The following ZNF529 variants were observed in gnomAD, a reference collection of about 807,000 sequenced individuals.
The protein encoded by ZNF529 is zinc finger protein 529.
A neutral mutation model predicts 10.1 loss-of-function variants in ZNF529; 11 were observed. That is an observed-to-expected ratio of 1.09 (90% CI 0.69 to 1.81). The LOEUF is 1.81. ZNF529 is among the 40% of genes most tolerant of loss of function. The pLI, the probability that ZNF529 is intolerant of heterozygous loss-of-function variation, is 0.00. For missense variants in ZNF529, 624 were observed against 666.8 expected (o/e 0.94, Z 0.71); for synonymous variants, 204 against 215.7 (o/e 0.95, Z 0.47).
intron 1 of ZNF529, among the ~76,000 whole-genome samples, chr19:36,593,396 A>G (rs555023660): frequency 6.6e-6 from 1 of 152,266 alleles, no homozygotes; most frequent in Non-Finnish European, 1.5e-5. Context: ...CTTGAACTCC[A>G]GGGCTCAAGC....
chr19:36,590,637 G>C (rs1251375746), intron 1 of ZNF529, among the ~76,000 whole-genome samples: 4 of 152,076 alleles, frequency 2.6e-5, no homozygotes, highest in African/African-American at 9.7e-5. Flanking sequence ...CAACAAAATT[G>C]ATAAAACCTT....
intron 1 of ZNF529, among the ~76,000 whole-genome samples, chr19:36,597,928 A>G (rs2036865220): frequency 6.6e-6 from 1 of 152,188 alleles, no homozygotes; most frequent in South Asian, 2.1e-4. Context: ...AATTATCCAG[A>G]TCCTACATTA....
At chr19:36,572,718 T>TTATCTATCTTATCTATC (rs768191244) in intron 1 of ZNF529, among the ~76,000 whole-genome samples, 18 of 151,036 alleles carry the variant, frequency 1.2e-4, no homozygotes, top group Non-Finnish European at 5.9e-5. Context: ...TTTATCTATC[T>TTATCTATCTTATCTATC]TATCTATCTA....
intron 1 of ZNF529, 84 bp from the exon 2 acceptor site, chr19:36,572,476 T>A (rs1234897455): frequency 9.2e-7 from 1 of 1,088,024 alleles, no homozygotes; most frequent in Non-Finnish European, 1.3e-6. Context: ...GAAAAGCCCA[T>A]CACACACAAC....
chr19:36,578,614 T>A (rs1307545748), intron 2 of ZNF529, among the ~76,000 whole-genome samples: 11 of 140,908 alleles, frequency 7.8e-5, no homozygotes, highest in Non-Finnish European at 1.4e-4. Context: ...TGGGGGAGAA[T>A]TTTTTTTTTT....
In ZNF529 at chr19:36,548,019, A is replaced by G; in HGVS notation, c.539T>C (p.Phe180Ser). The change falls in exon 5 of 5, where the codon TTC becomes TCC. Residue 180 changes from phenylalanine (F) to serine (S), a missense_variant. Phe to Ser is a radical substitution (Grantham distance 155). Transcript: ENST00000591340. ...TTCATCAAACTCTAAGTCACAACTG[A>G]AGACCTTCTCATATTCCTTGTATTC... ...PYEYKEYEKV[F>S]SCDLEFDEYQ... 1 of 1,613,876 alleles carries G rather than the reference A, an allele frequency of 6.2e-7. No individual in the cohort carries two copies. Among genetic ancestry groups the G allele is most frequent in the Non-Finnish European group, 8.5e-7 (1 of 1,179,850 alleles).
intron 4 of ZNF529, among the ~76,000 whole-genome samples, chr19:36,552,212 C>T (rs373371708): frequency 3.3e-5 from 5 of 152,086 alleles, no homozygotes; most frequent in Admixed American, 1.3e-4. Flanking sequence ...GGGCAGATCA[C>T]GAGGTCAGGA....
At chr19:36,548,838 C>T (rs768009126) in intron 4 of ZNF529, among the ~76,000 whole-genome samples, 4 of 152,058 alleles carry the variant, frequency 2.6e-5, no homozygotes, top group African/African-American at 4.8e-5. Flanking sequence ...GAAACCCTGC[C>T]TCTACTAAAA....
In ZNF529 at chr19:36,546,935, A is replaced by G. The variant is rs866070720; in HGVS notation, c.1623T>C (p.Asn541=). 6.2e-7 allele frequency: 1 copy of G among 1,613,748 alleles called. No homozygotes were observed. Among genetic ancestry groups the G allele is most frequent in the East Asian group, 2.2e-5 (1 of 44,870 alleles). ...DKPYECKECG[N]SFSVVGHLTC... ...TAAGATGCCCAACAACACTAAAGGAATTCCCACACTCCTTACATTCATAGG... is the reference window on the plus strand; with the variant it reads ...TAAGATGCCCAACAACACTAAAGGAGTTCCCACACTCCTTACATTCATAGG... The change falls in exon 5 of 5, where the codon AAT becomes AAC. Residue 541 remains asparagine, a synonymous_variant. Coordinates refer to ENST00000591340, the MANE Select transcript of ZNF529 (RefSeq NM_020951.5).
Position 36,590,272 on chromosome 19 carries a change from G to C in ZNF529, c.-127-571C>G, listed in dbSNP as rs149849803. Among the ~76,000 whole-genome samples, 398 of 152,296 alleles carry C rather than the reference G, an allele frequency of 2.6e-3. 2 individuals carry two copies. The highest frequency in any genetic ancestry group is 4.0e-3 in the Non-Finnish European group (273 of 68,024). On this transcript the variant is annotated intron_variant, in intron 1 of 4. Transcript: ENST00000585960. Reference sequence around the variant, plus strand: ...TGGCTGTGGTCCCAGCTATGTGGGAGGCTGAGGCAGAAGGATCGCTTGAGC... The same window carrying C: ...TGGCTGTGGTCCCAGCTATGTGGGACGCTGAGGCAGAAGGATCGCTTGAGC...
chr19:36,604,431 G>A (rs2036984515), intron 1 of ZNF529, among the ~76,000 whole-genome samples: 1 of 152,258 alleles, frequency 6.6e-6, no homozygotes, highest in Non-Finnish European at 1.5e-5. Context: ...ACTGTGCAAC[G>A]TGGTTATAAG....
At chr19:36,584,248 A>G (rs2036530270) in intron 2 of ZNF529, among the ~76,000 whole-genome samples, 1 of 152,186 alleles carries the variant, frequency 6.6e-6, no homozygotes, top group Non-Finnish European at 1.5e-5. Context: ...AGTGGGGCAA[A>G]ATAAAGACAT....
rs1177848620 is a variant in ZNF529 at position 36,543,795 on chromosome 19, CA to C, written c.*3070del. ...CTTCTCATAAGATCACCATTTGTAT[CA>C]AATTAGAATCACATTCTTATGTCCT... is the stretch of plus-strand genomic sequence containing the variant. On this transcript the variant is annotated 3_prime_UTR_variant, in exon 5 of 5. Transcript: ENST00000591340. 1 of 151,708 alleles carries C rather than the reference CA, an allele frequency of 6.6e-6. No homozygotes were observed. Among genetic ancestry groups the C allele is most frequent in the Non-Finnish European group, 1.5e-5 (1 of 67,952 alleles). The allele number at this position is 151,708 out of a possible 1,614,324, so 9.4% of individuals were successfully genotyped here. A position where few individuals can be genotyped will look rare whatever the true frequency, so the allele number is the denominator to read the frequency against.
intron 2 of ZNF529, among the ~76,000 whole-genome samples, chr19:36,583,646 T>C (rs1382654439): frequency 6.6e-6 from 1 of 150,954 alleles, no homozygotes; most frequent in Non-Finnish European, 1.5e-5. Flanking sequence ...GCATATAATA[T>C]GACAATATGA....
At chr19:36,559,519 G>A (rs1425230003) in intron 2 of ZNF529, among the ~76,000 whole-genome samples, 1 of 152,206 alleles carries the variant, frequency 6.6e-6, no homozygotes, top group Non-Finnish European at 1.5e-5. Context: ...ATGTTGGCCA[G>A]GCTGGTCTCA....
At chr19:36,592,284 CA>C (rs35717465) in intron 1 of ZNF529, among the ~76,000 whole-genome samples, 151 of 49,856 alleles carry the variant, frequency 3.0e-3, no homozygotes, top group South Asian at 7.0e-3. Flanking sequence ...GACTTTGTCT[CA>C]AAAAAAAAAA....
chr19:36,593,524 CT>C (rs1198918023), intron 1 of ZNF529, among the ~76,000 whole-genome samples: 1 of 152,164 alleles, frequency 6.6e-6, no homozygotes, highest in East Asian at 1.9e-4. Context: ...CGTCCACCAT[CT>C]TTTGGATGGT....
rs372917053 is a variant in ZNF529, at chr19:36,546,979, T to G, written c.1579A>C (p.Ile527Leu). ...HSSSFTKHQRIHTDDKPYECK... is the reference protein window; with the variant it reads ...HSSSFTKHQRLHTDDKPYECK... ...TCATAGGGTTTATCATCAGTATGAA[T>G]GCGCTGATGTTTGGTAAAGGATGAA... is the stretch of plus-strand genomic sequence containing the variant. Residue 527 changes from isoleucine (I) to leucine (L), a missense_variant, in exon 5 of 5, where the codon ATT becomes CTT. Ile to Leu is a conservative substitution (Grantham distance 5). Transcript: ENST00000591340. The G allele has an allele frequency of 2.1e-4, 339 of 1,614,032 alleles. No homozygotes were observed. The highest frequency in any genetic ancestry group is 1.4e-3 in the South Asian group (131 of 91,072).
At chr19:36,570,988 G>A (rs922616838) in intron 2 of ZNF529, among the ~76,000 whole-genome samples, 3 of 152,154 alleles carry the variant, frequency 2.0e-5, no homozygotes, top group Non-Finnish European at 4.4e-5. Flanking sequence ...GCGGAAAAAT[G>A]AGTAACTATT....
Sources: allele counts gnomAD v4.1 joint callset (sites outside exome capture counted in the v4.1 genomes callset), GRCh38; gene constraint gnomAD v4.1.1; transcripts MANE v1.5; gene names NCBI Gene and HGNC (gene_info 2026-07-23, HGNC 2026-07-21).